The following IKZF3 variants were observed in gnomAD, a reference collection of about 807,000 sequenced individuals.
The protein encoded by IKZF3 is zinc finger protein Aiolos.
A neutral mutation model predicts 49.0 loss-of-function variants in IKZF3; 10 were observed. The observed-to-expected ratio is 0.20, with a 90% CI of 0.13 to 0.35. IKZF3 has a LOEUF of 0.35. Among genes scored for constraint, IKZF3 ranks in the 10% least tolerant of loss-of-function variants. The pLI, the probability that IKZF3 is intolerant of heterozygous loss-of-function variation, is 1.00. For missense variants in IKZF3, 498 were observed against 664.8 expected, an observed-to-expected ratio of 0.75 and a Z score of 2.76; for synonymous variants, 209 against 228.2, an observed-to-expected ratio of 0.92 and a Z score of 0.76.
intron 1 of IKZF3, among the ~76,000 whole-genome samples, chr17:39,851,139 A>G (rs2062862149): frequency 6.6e-6 from 1 of 151,132 alleles, no homozygotes; most frequent in Admixed American, 6.6e-5. Flanking sequence ...GGCTCATTGC[A>G]GACTTGACCT....
At chr17:39,801,189 C>T (rs1004672046) in intron 3 of IKZF3, among the ~76,000 whole-genome samples, 2 of 152,082 alleles carry the variant, frequency 1.3e-5, no homozygotes, top group African/African-American at 2.4e-5. Context: ...TTACAAGGAT[C>T]GGGGGTCATA....
At chr17:39,860,506 T>C (rs1308814476) in intron 1 of IKZF3, among the ~76,000 whole-genome samples, 1 of 152,226 alleles carries the variant, frequency 6.6e-6, no homozygotes, top group African/African-American at 2.4e-5. Flanking sequence ...TATGTAAATT[T>C]AACAGTTAAA....
chr17:39,818,608 G>A (rs950732662), intron 3 of IKZF3, among the ~76,000 whole-genome samples: 9 of 152,100 alleles, frequency 5.9e-5, no homozygotes, highest in African/African-American at 1.9e-4. Context: ...CTAGCACTTC[G>A]GGAGGCTGAG....
chr17:39,832,119 G>A lies in IKZF3; in HGVS notation c.40C>T (p.Gln14Ter). 1.2e-6 allele frequency: 2 copies of A among 1,612,802 alleles called. No individual in the cohort carries two copies. Among genetic ancestry groups the A allele is most frequent in the Non-Finnish European group, 1.7e-6 (2 of 1,179,090 alleles). Residue 14 changes from glutamine to a stop codon, truncating the protein, a stop_gained, in exon 2 of 8, where the codon CAG becomes TAG. Coordinates refer to ENST00000346872, the MANE Select transcript of IKZF3 (RefSeq NM_012481.5). LOFTEE classifies it high-confidence loss of function. ...TTACCTGCGGGCACAGACTGCTCCT[G>A]AGTGCTTTTCAGTTCCGCATTTGTT... The part of the protein sequence containing the change: ...IQTNAELKST[Q>*]EQSVPAESAA...
intron 3 of IKZF3, among the ~76,000 whole-genome samples, chr17:39,806,969 C>G (rs2061443707): frequency 6.6e-6 from 1 of 152,190 alleles, no homozygotes; most frequent in Non-Finnish European, 1.5e-5. Context: ...TTCAGTCTAA[C>G]AGCCTTCAGG....
At chr17:39,861,956 C>T (rs2063225629) in intron 1 of IKZF3, among the ~76,000 whole-genome samples, 1 of 152,028 alleles carries the variant, frequency 6.6e-6, no homozygotes, top group South Asian at 2.1e-4. Flanking sequence ...AAATGTTTTA[C>T]ATTAAATAAG....
At chr17:39,788,153 G>T in intron 6 of IKZF3, 105 bp downstream of exon 6, 1 of 684,426 alleles carries the variant, frequency 1.5e-6, no homozygotes. Context: ...TTTATAATCT[G>T]TCTGCCCCCA....
intron 3 of IKZF3, among the ~76,000 whole-genome samples, chr17:39,798,471 A>G (rs536305403): frequency 9.5e-4 from 143 of 151,110 alleles, no homozygotes; most frequent in Non-Finnish European, 1.6e-3. Flanking sequence ...TCTTTCCCCA[A>G]TATGGCCACA....
At position 39,787,535 on chromosome 17, in the gene IKZF3, A is replaced by C. The variant is rs111599814; in HGVS notation, c.709+723T>G. On this transcript the variant is annotated intron_variant, in intron 6 of 7. Coordinates refer to ENST00000346872, the MANE Select transcript of IKZF3 (RefSeq NM_012481.5). ...CCCTCAATTTTTGCCATTTTTTGTAAACGACAACTCCACTCTTCATCAATC... is the reference window on the plus strand; with the variant it reads ...CCCTCAATTTTTGCCATTTTTTGTACACGACAACTCCACTCTTCATCAATC... Among the ~76,000 whole-genome samples, 447 of 152,292 alleles carry C rather than the reference A, an allele frequency of 2.9e-3. 2 individuals are homozygous for C. The highest frequency in any genetic ancestry group is 0.01 in the African/African-American group (425 of 41,550).
intron 1 of IKZF3, among the ~76,000 whole-genome samples, chr17:39,858,947 C>T (rs2063142919): frequency 2.6e-5 from 4 of 151,656 alleles, no homozygotes; most frequent in Admixed American, 2.0e-4. Context: ...CAAGTGCACA[C>T]CACCACACCA....
At chr17:39,796,407 A>G (rs1360297838) in intron 3 of IKZF3, among the ~76,000 whole-genome samples, 1 of 152,160 alleles carries the variant, frequency 6.6e-6, no homozygotes, top group African/African-American at 2.4e-5. Flanking sequence ...TTCTACATCA[A>G]GTCAGTCTCC....
At chr17:39,856,506 ATTC>A (rs1421513325) in intron 1 of IKZF3, among the ~76,000 whole-genome samples, 2 of 152,082 alleles carry the variant, frequency 1.3e-5, no homozygotes, top group Non-Finnish European at 2.9e-5. Flanking sequence ...TGTTAATAAT[ATTC>A]TTACTTAAAT....
At chr17:39,853,564 G>A (rs1042284206) in intron 1 of IKZF3, among the ~76,000 whole-genome samples, 6 of 152,214 alleles carry the variant, frequency 3.9e-5, no homozygotes, top group South Asian at 2.1e-4. Context: ...GGCCAGGAGC[G>A]GTGGTTCACA....
At chr17:39,769,984 T>C (rs1323222662) in intron 7 of IKZF3, among the ~76,000 whole-genome samples, 4 of 152,140 alleles carry the variant, frequency 2.6e-5, no homozygotes, top group Non-Finnish European at 5.9e-5. Flanking sequence ...ACACAGACCA[T>C]TGTTCATTGT....
At chr17:39,775,924 C>CAAAA in intron 7 of IKZF3, among the ~76,000 whole-genome samples, 1 of 84,144 alleles carries the variant, frequency 1.2e-5, no homozygotes, top group East Asian at 3.5e-4. Flanking sequence ...AACTCTGTCT[C>CAAAA]AAAAAAAAAA....
chr17:39,854,820 A>G (rs1383355015), intron 1 of IKZF3, among the ~76,000 whole-genome samples: 2 of 152,180 alleles, frequency 1.3e-5, no homozygotes, highest in Non-Finnish European at 2.9e-5. Flanking sequence ...TGAACAGGGA[A>G]CACTAAGCAG....
intron 3 of IKZF3, among the ~76,000 whole-genome samples, chr17:39,793,136 T>C (rs2143895858): frequency 6.6e-6 from 1 of 152,316 alleles, no homozygotes; most frequent in South Asian, 2.1e-4. Context: ...ACACACATAC[T>C]TACACACATA....
chr17:39,812,343 T>G (rs1224858043), intron 3 of IKZF3, among the ~76,000 whole-genome samples: 1 of 152,096 alleles, frequency 6.6e-6, no homozygotes, highest in Non-Finnish European at 1.5e-5. Flanking sequence ...ACAAAAAATT[T>G]GATAGTTCTG....
At chr17:39,808,877 G>C (rs2061491132) in intron 3 of IKZF3, among the ~76,000 whole-genome samples, 1 of 152,212 alleles carries the variant, frequency 6.6e-6, no homozygotes, top group Non-Finnish European at 1.5e-5. Context: ...CCATTAAGTA[G>C]TGTTTGTTCA....
Sources: gnomAD v4.1 joint callset for allele counts (sites outside exome capture counted in the v4.1 genomes callset) on GRCh38, gnomAD v4.1.1 for gene constraint, MANE v1.5 for transcripts, NCBI Gene and HGNC (gene_info 2026-07-23, HGNC 2026-07-21) for gene names.